Variants in ATAD2 observed in about 807,000 individuals in gnomAD.
The protein encoded by ATAD2 is ATPase family AAA domain containing 2, also known as ATPase family AAA domain-containing protein 2.
A neutral mutation model predicts 168.9 loss-of-function variants in ATAD2; 62 were observed. That is an observed-to-expected ratio of 0.37 (90% CI 0.30 to 0.45). The LOEUF (loss-of-function observed/expected upper bound fraction) is 0.45. Ranked by LOEUF, ATAD2 falls within the 20% of genes least tolerant of loss-of-function variation. The pLI, the probability that ATAD2 is intolerant of heterozygous loss-of-function variation, is 1.00. For missense variants in ATAD2, 1,419 were observed against 1,667.8 expected (o/e 0.85, Z 2.60); for synonymous variants, 613 against 571.6 (o/e 1.07, Z -1.03).
In ATAD2 at chr8:123,393,077, C is replaced by T. The variant is rs547670563; in HGVS notation, c.171+3110G>A. On this transcript the variant is annotated intron_variant, in intron 1 of 27. Coordinates refer to ENST00000287394, the MANE Select transcript of ATAD2 (RefSeq NM_014109.4). Reference sequence around the variant, plus strand: ...CGGGTGCCTGTAGTCCCAGCTACTCCGGGAGGCTGAAGCAGGAGAATGGCG... The same window carrying T: ...CGGGTGCCTGTAGTCCCAGCTACTCTGGGAGGCTGAAGCAGGAGAATGGCG... Among the ~76,000 whole-genome samples the T allele has an allele frequency of 8.0e-5, 12 of 150,650 alleles. No individual in the cohort carries two copies. The South Asian group carries it at 1.3e-3, about 16-fold the overall frequency.
chr8:123,326,972 A>C (rs1015535852), intron 25 of ATAD2, among the ~76,000 whole-genome samples: 3 of 152,006 alleles, frequency 2.0e-5, no homozygotes, highest in Non-Finnish European at 2.9e-5. Flanking sequence ...GCATGATCTC[A>C]GCTCACTGCA....
chr8:123,373,615 C>A (rs1829215331), intron 2 of ATAD2, among the ~76,000 whole-genome samples: 1 of 151,736 alleles, frequency 6.6e-6, no homozygotes, highest in African/African-American at 2.4e-5. Flanking sequence ...GGTGAAACCC[C>A]GTCTCTACTA....
intron 1 of ATAD2, among the ~76,000 whole-genome samples, chr8:123,410,215 G>C (rs1302404558): frequency 6.6e-6 from 1 of 152,024 alleles, no homozygotes; most frequent in Non-Finnish European, 1.5e-5. Flanking sequence ...GTCAGAATCT[G>C]GTTCTAACCA....
intron 2 of ATAD2, among the ~76,000 whole-genome samples, chr8:123,379,974 C>A (rs1829446343): frequency 6.6e-6 from 1 of 151,684 alleles, no homozygotes; most frequent in Middle Eastern, 3.4e-3. Context: ...GCAACCTCCA[C>A]CTCCTGGGTT....
intron 14 of ATAD2, among the ~76,000 whole-genome samples, chr8:123,348,816 A>G (rs1047278221): frequency 6.6e-6 from 1 of 152,248 alleles, no homozygotes; most frequent in African/African-American, 2.4e-5. Context: ...TATATTCGTC[A>G]TAAACACAAA....
chr8:123,339,657 T>C (rs998044755), intron 19 of ATAD2, among the ~76,000 whole-genome samples: 15 of 152,152 alleles, frequency 9.9e-5, no homozygotes, highest in Admixed American at 8.5e-4. Flanking sequence ...ATGCAGTATA[T>C]ATACACACAT....
rs4006572 is a variant in ATAD2, at chr8:123,344,067, C to T, written c.2718+817G>A. Among the ~76,000 whole-genome samples the T allele has an allele frequency of 2.6e-5, 4 of 152,088 alleles. No homozygotes were observed. The East Asian group carries it at 7.7e-4, about 29-fold the overall frequency. On this transcript the variant is annotated intron_variant, in intron 19 of 27. Transcript: ENST00000287394. Reference sequence around the variant, plus strand: ...TGATTCAGCTACAGCTATTCCACTTCTAGGAATCAAAACTAGAAAAATCCA... The same window carrying T: ...TGATTCAGCTACAGCTATTCCACTTTTAGGAATCAAAACTAGAAAAATCCA...
intron 2 of ATAD2, among the ~76,000 whole-genome samples, chr8:123,378,196 G>T (rs971263705): frequency 6.6e-6 from 1 of 152,082 alleles, no homozygotes; most frequent in Non-Finnish European, 1.5e-5. Flanking sequence ...TACTGTCAGT[G>T]ATTTTCTTTT....
intron 1 of ATAD2, among the ~76,000 whole-genome samples, chr8:123,386,358 C>T (rs1185954250): frequency 6.6e-6 from 1 of 152,118 alleles, no homozygotes; most frequent in Non-Finnish European, 1.5e-5. Context: ...GAAATTTTAA[C>T]ACATGCTACA....
At chr8:123,347,473 G>A in intron 15 of ATAD2, 67 bp from the exon 16 acceptor site, 1 of 1,393,230 alleles carries the variant, frequency 7.2e-7, no homozygotes, top group Non-Finnish European at 9.7e-7. Context: ...AACTCTATTA[G>A]CATGACCATG....
chr8:123,387,429 G>A (rs889048675), intron 1 of ATAD2, among the ~76,000 whole-genome samples: 4 of 152,146 alleles, frequency 2.6e-5, no homozygotes, highest in African/African-American at 7.2e-5. Flanking sequence ...CAAGAGGTAA[G>A]TTCAACACTG....
At position 123,357,634 on chromosome 8, in the gene ATAD2, C is replaced by G. The variant is rs1828690731; in HGVS notation, c.1485G>C (p.Met495Ile). The G allele has an allele frequency of 6.2e-7, 1 of 1,614,080 alleles. No homozygotes were observed. The highest frequency in any genetic ancestry group is 1.3e-5 in the African/African-American group (1 of 75,046). ...SQGDKRVAFF[M>I]RKGADCLSKW... is the part of the protein sequence containing the mutation. ...TACTTAGACAATCAGCACCTTTCCT[C>G]ATGAAAAATGCTACTCTTTTATCCC... Residue 495 changes from methionine (M) to isoleucine (I), a missense_variant, in exon 12 of 28, where the codon ATG becomes ATC. By Grantham distance (10) the Met-to-Ile change is conservative (BLOSUM62 1). Around this residue, in one of 5 missense-constraint regions of ATAD2, gnomAD observed 146 missense variants for 188.3 expected, o/e 0.78. Coordinates refer to ENST00000287394, the MANE Select transcript of ATAD2 (RefSeq NM_014109.4).
At chr8:123,396,592 G>A, upstream of ATAD2, 1 of 543,848 alleles carries the variant, frequency 1.8e-6, no homozygotes, top group Non-Finnish European at 3.2e-6. Context: ...CCAACGTGGA[G>A]AGGAACACAG....
intron 1 of ATAD2, among the ~76,000 whole-genome samples, chr8:123,391,557 A>C (rs1323081724): frequency 6.6e-6 from 1 of 151,846 alleles, no homozygotes; most frequent in African/African-American, 2.4e-5. Flanking sequence ...TAATGAATTA[A>C]ATGAATAAAT....
intron 1 of ATAD2, among the ~76,000 whole-genome samples, chr8:123,414,731 T>C (rs187423420): frequency 1.1e-4 from 16 of 152,338 alleles, no homozygotes; most frequent in African/African-American, 3.8e-4. Flanking sequence ...GGACCCTGGT[T>C]TTTGTGTCAA....
At position 123,369,945 on chromosome 8, in the gene ATAD2, GTCATCA is replaced by G. The variant is rs539981908; in HGVS notation, c.801_806del (p.Asp276_Asp277del). 53 of 1,497,646 alleles carry G rather than the reference GTCATCA, an allele frequency of 3.5e-5. No individual in the cohort carries two copies. The Middle Eastern group carries it at 5.2e-4, about 15-fold the overall frequency. 92.8% of individuals were successfully genotyped at this position (1,497,646 alleles called of 1,614,324 possible). A position where few individuals can be genotyped will look rare whatever the true frequency, so the allele number is the denominator to read the frequency against. On this transcript the variant is annotated inframe_deletion, in exon 7 of 28. Coordinates refer to ENST00000287394, the MANE Select transcript of ATAD2 (RefSeq NM_014109.4). Reference sequence around the variant, plus strand: ...CATCATCATCATCATCATCATCATCGTCATCATCATCATCATCTTCATCATCTTCAT... The same window carrying G: ...CATCATCATCATCATCATCATCATCGTCATCATCATCTTCATCATCTTCAT...
At chr8:123,375,700 A>C (rs1829288684) in intron 2 of ATAD2, among the ~76,000 whole-genome samples, 1 of 152,234 alleles carries the variant, frequency 6.6e-6, no homozygotes, top group African/African-American at 2.4e-5. Flanking sequence ...AGCCAGCCGC[A>C]GTGGCTCACG....
upstream of ATAD2, chr8:123,396,549 T>C: frequency 1.7e-6 from 1 of 585,500 alleles, no homozygotes; most frequent in Non-Finnish European, 2.9e-6. Flanking sequence ...GGCTCGAAAC[T>C]CTCCTCCCAT....
chr8:123,389,542 A>T (rs1269435534), intron 1 of ATAD2, among the ~76,000 whole-genome samples: 1 of 151,572 alleles, frequency 6.6e-6, no homozygotes, highest in Non-Finnish European at 1.5e-5. Context: ...CAGGAGGCTG[A>T]GGCAGGAGAA....
Sources: gnomAD v4.1 joint callset for allele counts (sites outside exome capture counted in the v4.1 genomes callset) on GRCh38, gnomAD v4.1.1 for gene constraint, gnomAD v4.1.1 regional missense constraint, MANE v1.5 for transcripts, NCBI Gene and HGNC (gene_info 2026-07-23, HGNC 2026-07-21) for gene names.